The following GABRA3 variants were observed in gnomAD, a reference collection of about 807,000 sequenced individuals.
GABRA3 encodes gamma-aminobutyric acid type A receptor subunit alpha3, also known as gamma-aminobutyric acid receptor subunit alpha-3.
In GABRA3, 10 loss-of-function variants were observed where a neutral mutation model predicts 30.1. The observed-to-expected ratio is 0.33, with a 90% CI of 0.20 to 0.56. The LOEUF (loss-of-function observed/expected upper bound fraction) is 0.56. Ranked by LOEUF, GABRA3 falls within the 20% of genes least tolerant of loss-of-function variation. The pLI, the probability that GABRA3 is intolerant of heterozygous loss-of-function variation, is 0.89. For synonymous variants in GABRA3, 151 were observed against 146.8 expected (o/e 1.03, Z -0.21); for missense variants, 233 against 392.0 (o/e 0.59, Z 3.42).
intron 3 of GABRA3, among the ~76,000 whole-genome samples, chrX:152,317,724 G>A (rs1356913732): frequency 8.9e-6 from 1 of 111,837 alleles, no homozygotes; most frequent in Non-Finnish European, 1.9e-5. Flanking sequence ...TAATCATTGG[G>A]TCAACAATGA....
chrX:152,212,551 G>A (rs762465478), intron 6 of GABRA3, among the ~76,000 whole-genome samples: 2 of 109,966 alleles, frequency 1.8e-5, no homozygotes, highest in Non-Finnish European at 3.8e-5. Context: ...CCTAGCTGCC[G>A]TAAGGATGGC....
chrX:152,364,533 C>T lies in GABRA3; in HGVS notation c.38G>A (p.Ser13Asn), dbSNP rs199807919. The stretch of plus-strand genomic sequence containing the variant: ...ATTAATCAGGAAAAGAATCCCAAGG[C>T]TGGTCATGTAACAGTGACTTGTTTG... ...ITQTSHCYMT[S>N]LGILFLINIL... The change falls in exon 2 of 10, where the codon AGC (serine) becomes AAC (asparagine). Residue 13 changes from serine to asparagine, a missense_variant. Transcript: ENST00000370314. 2 of 1,207,252 alleles carry T rather than the reference C, an allele frequency of 1.7e-6. No individual in the cohort carries two copies. The highest frequency in any genetic ancestry group is 2.2e-5 in the Admixed American group (1 of 45,544).
At chrX:152,331,784 C>A (rs1343846998) in intron 3 of GABRA3, among the ~76,000 whole-genome samples, 1 of 111,621 alleles carries the variant, frequency 9.0e-6, no homozygotes, top group Non-Finnish European at 1.9e-5. Flanking sequence ...ACTAAAGTCT[C>A]CTCTCAGTCC....
At chrX:152,294,423 A>G (rs1019617902) in intron 3 of GABRA3, among the ~76,000 whole-genome samples, 22 of 111,042 alleles carry the variant, frequency 2.0e-4, no homozygotes, top group African/African-American at 2.3e-4. Flanking sequence ...CGAATTGGCT[A>G]CTGAAGCTTG....
intron 1 of GABRA3, among the ~76,000 whole-genome samples, chrX:152,446,924 C>T (rs1193459951): frequency 8.9e-6 from 1 of 111,945 alleles, no homozygotes; most frequent in Non-Finnish European, 1.9e-5. Context: ...ATACACTTTA[C>T]TCCAACACAA....
chrX:152,398,560 G>A (rs1285444569), intron 1 of GABRA3, among the ~76,000 whole-genome samples: 2 of 110,807 alleles, frequency 1.8e-5, no homozygotes, highest in Non-Finnish European at 3.8e-5. Flanking sequence ...ACAGAATGAA[G>A]GGTATAGAAA....
intron 1 of GABRA3, among the ~76,000 whole-genome samples, chrX:152,424,410 A>G (rs903878753): frequency 1.8e-5 from 2 of 111,403 alleles, no homozygotes; most frequent in African/African-American, 6.5e-5. Context: ...ACAATAACTA[A>G]GCATCTACTT....
intron 1 of GABRA3, among the ~76,000 whole-genome samples, chrX:152,408,469 T>C (rs1361072306): frequency 4.5e-5 from 5 of 111,160 alleles, no homozygotes; most frequent in African/African-American, 1.6e-4. Context: ...AGTATTCCCA[T>C]TTACAATAGC....
chrX:152,429,501 G>C (rs1417366104), intron 1 of GABRA3, among the ~76,000 whole-genome samples: 1 of 111,290 alleles, frequency 9.0e-6, no homozygotes, highest in Non-Finnish European at 1.9e-5. Context: ...TCCTGAATTT[G>C]ACCTACAAGG....
chrX:152,444,533 C>T (rs1669249633), intron 1 of GABRA3, among the ~76,000 whole-genome samples: 1 of 110,588 alleles, frequency 9.0e-6, no homozygotes, highest in African/African-American at 3.3e-5. Flanking sequence ...GTTAAGCAAC[C>T]TTTCCTGAAA....
intron 1 of GABRA3, among the ~76,000 whole-genome samples, chrX:152,380,499 G>A (rs910549101): frequency 4.5e-5 from 5 of 111,688 alleles, no homozygotes; most frequent in African/African-American, 1.6e-4. Context: ...CTATTCATCT[G>A]TTGATGGCCA....
intron 3 of GABRA3, among the ~76,000 whole-genome samples, chrX:152,334,088 T>TA (rs1250636525): frequency 8.9e-6 from 1 of 112,053 alleles, no homozygotes; most frequent in African/African-American, 3.2e-5. Flanking sequence ...CATTGTTATT[T>TA]ACTGTGTCAA....
In GABRA3 at chrX:152,295,087, C is replaced by T. The variant is rs998918082; in HGVS notation, c.263-10352G>A. ...GGAAGCTTCATACCAGAGGGTTACC[C>T]GCCTGTAATGAGGTGTCAGTTGGCC... On this transcript the variant is annotated intron_variant, in intron 3 of 9. Coordinates refer to ENST00000370314, the MANE Select transcript of GABRA3 (RefSeq NM_000808.4). Among the ~76,000 whole-genome samples the T allele has an allele frequency of 7.2e-5, 8 of 111,797 alleles. No individual in the cohort carries two copies. The South Asian group carries it at 2.2e-3, about 31-fold the overall frequency.
In GABRA3 at chrX:152,208,095, G is replaced by A; in HGVS notation, c.684C>T (p.Asn228=). ...EVVYSWTLGK[N]KSVEVAQDGS... is the part of the protein sequence containing the mutation. ...CATCCTGTGCCACTTCCACGGATTT[G>A]TTCTTTCCGAGAGTCCAAGAATAAA... Residue 228 remains asparagine (N), a synonymous_variant, in exon 7 of 10, where the codon AAC becomes AAT. Coordinates refer to ENST00000370314, the MANE Select transcript of GABRA3 (RefSeq NM_000808.4). 1 of 1,210,877 alleles carries A rather than the reference G, an allele frequency of 8.3e-7. No homozygotes were observed. Among genetic ancestry groups the A allele is most frequent in the Non-Finnish European group, 1.1e-6 (1 of 894,551 alleles).
rs1016322467 is a variant in GABRA3 at position 152,166,468 on chromosome X, T to G, written c.*1760A>C. On this transcript the variant is annotated 3_prime_UTR_variant, in exon 10 of 10. Coordinates refer to ENST00000370314, the MANE Select transcript of GABRA3 (RefSeq NM_000808.4). ...GGAATAATGGGACGGGCATGCATTATCCCAGCAATGGCAAGGAAGCAGGGG... is the reference window on the plus strand; with the variant it reads ...GGAATAATGGGACGGGCATGCATTAGCCCAGCAATGGCAAGGAAGCAGGGG... 9.3e-6 allele frequency: 1 copy of G among 107,168 alleles called. No homozygotes were observed. Among genetic ancestry groups the G allele is most frequent in the Non-Finnish European group, 1.9e-5 (1 of 52,227 alleles). The allele number at this position is 107,168 out of a possible 1,213,427, so 8.8% of individuals were successfully genotyped here.
intron 5 of GABRA3, among the ~76,000 whole-genome samples, chrX:152,234,832 G>A (rs1305457423): frequency 8.9e-6 from 1 of 111,796 alleles, no homozygotes; most frequent in African/African-American, 3.2e-5. Context: ...TGATCAATTT[G>A]TCTACTTCTA....
chrX:152,289,760 T>C (rs1293329057), intron 3 of GABRA3, among the ~76,000 whole-genome samples: 1 of 108,683 alleles, frequency 9.2e-6, no homozygotes, highest in Admixed American at 1.0e-4. Context: ...AGTGAGAACA[T>C]GTGGTGTTTG....
In GABRA3 at chrX:152,219,587, G is replaced by A. The variant is rs1415514254; in HGVS notation, c.634+5176C>T. Among the ~76,000 whole-genome samples the A allele has an allele frequency of 2.7e-5, 3 of 111,321 alleles. No homozygotes were observed. In the Admixed American group the frequency reaches 2.9e-4, roughly 11 times the overall value. ...GATGTTAAGTCAAAACCAAGAGCAG[G>A]AAACACTGTCACACTGAGTTAAAAG... On this transcript the variant is annotated intron_variant, in intron 6 of 9. Transcript: ENST00000370314.
intron 1 of GABRA3, among the ~76,000 whole-genome samples, chrX:152,430,104 G>A (rs1357114000): frequency 9.0e-6 from 1 of 111,319 alleles, no homozygotes; most frequent in African/African-American, 3.3e-5. Flanking sequence ...AGTTCACACA[G>A]GAAAAAAATC....
Sources: gnomAD v4.1 joint callset for allele counts (sites outside exome capture counted in the v4.1 genomes callset) on GRCh38, gnomAD v4.1.1 for gene constraint, MANE v1.5 for transcripts, NCBI Gene and HGNC (gene_info 2026-07-23, HGNC 2026-07-21) for gene names.